PCCA: variants seen among roughly 807,000 people sequenced by gnomAD.
PCCA encodes propionyl-CoA carboxylase alpha chain, mitochondrial.
PCCA carries 74 observed loss-of-function variants against 101.3 expected under a neutral mutation model. The ratio of observed to expected loss-of-function variants is 0.73; its 90% CI spans 0.61 to 0.89. The LOEUF is 0.89. Ranked by LOEUF, PCCA falls within the 40% of genes least tolerant of loss-of-function variation. The pLI is 0.00. For synonymous variants in PCCA, 294 were observed against 313.6 expected (o/e 0.94, Z 0.66); for missense variants, 891 against 907.0 (o/e 0.98, Z 0.23).
intron 1 of PCCA, among the ~76,000 whole-genome samples, chr13:100,091,414 G>A (rs1234027020): frequency 1.3e-5 from 2 of 152,212 alleles, no homozygotes; most frequent in African/African-American, 4.8e-5. Flanking sequence ...CACAATAGGT[G>A]CTGAATGTGT....
intron 12 of PCCA, among the ~76,000 whole-genome samples, chr13:100,293,862 T>C (rs2152665550): frequency 6.6e-6 from 1 of 152,334 alleles, no homozygotes; most frequent in Admixed American, 6.5e-5. Flanking sequence ...GATAAGCTTT[T>C]CAGGCACTTA....
chr13:100,197,541 T>C (rs147640004), intron 6 of PCCA, among the ~76,000 whole-genome samples: 55 of 152,172 alleles, frequency 3.6e-4, no homozygotes, highest in African/African-American at 1.2e-3. Context: ...GTCTCCCAGG[T>C]TCAATAGATT....
chr13:100,201,466 A>G (rs2058486503), intron 6 of PCCA, among the ~76,000 whole-genome samples: 1 of 152,160 alleles, frequency 6.6e-6, no homozygotes. Context: ...AGTTTCATAT[A>G]ATTTTTATGT....
In PCCA at chr13:100,277,796, A is replaced by AGG. The variant is rs1243267695; in HGVS notation, c.1065+4451_1065+4452insGG. On this transcript the variant is annotated intron_variant, in intron 12 of 23. Coordinates refer to ENST00000376285, the MANE Select transcript of PCCA (RefSeq NM_000282.4). ...TACCCTAGAAGGAGTTTGGAGGGAA[A>AGG]GTTCAGTGCCAGCCCACCATTTTCA... Among the ~76,000 whole-genome samples the AGG allele has an allele frequency of 3.9e-5, 6 of 152,364 alleles. No homozygotes were observed. In the East Asian group the frequency reaches 1.2e-3, roughly 29 times the overall value.
rs576629947 is a variant in PCCA, at chr13:100,426,941, C to T, written c.1845+1210C>T. Among the ~76,000 whole-genome samples the T allele has an allele frequency of 2.6e-5, 4 of 152,276 alleles. No individual in the cohort carries two copies. The South Asian group carries it at 8.3e-4, about 32-fold the overall frequency. On this transcript the variant is annotated intron_variant, in intron 20 of 23. Coordinates refer to ENST00000376285, the MANE Select transcript of PCCA (RefSeq NM_000282.4). ...GTCTTTAAAAACTGTGGTGTCTGGG[C>T]ACGGTGGCTCACGCCTGTAATCCCA...
intron 21 of PCCA, among the ~76,000 whole-genome samples, chr13:100,454,092 C>T (rs548206870): frequency 2.0e-5 from 3 of 152,000 alleles, no homozygotes; most frequent in East Asian, 1.9e-4. Flanking sequence ...AGGATGGTCT[C>T]GATCTCCTGA....
intron 21 of PCCA, among the ~76,000 whole-genome samples, chr13:100,469,701 AAC>A (rs2082840028): frequency 6.6e-6 from 1 of 151,668 alleles, no homozygotes; most frequent in Admixed American, 6.6e-5. Context: ...AATCGCTTGA[AAC>A]CCGGAGGCTG....
rs1442819667 is a variant in PCCA at position 100,209,347 on chromosome 13, G to A, written c.484G>A (p.Val162Ile). The part of the protein sequence containing the change: ...FARCLAAEDV[V>I]FIGPDTHAIQ... ...TTCTCCACAGGCAGCAGAAGATGTC[G>A]TTTTCATTGGACCTGACACACATGC... Residue 162 changes from valine to isoleucine, a missense_variant, in exon 7 of 24, where the codon GTT becomes ATT. Val to Ile is a conservative substitution (Grantham distance 29). Coordinates refer to ENST00000376285, the MANE Select transcript of PCCA (RefSeq NM_000282.4). 5.0e-6 allele frequency: 8 copies of A among 1,613,496 alleles called. No homozygotes were observed. Among genetic ancestry groups the A allele is most frequent in the African/African-American group, 2.7e-5 (2 of 74,898 alleles).
Position 100,394,403 on chromosome 13 carries a change from CTGGTTCT to C in PCCA, c.1746+25834_1746+25840del, listed in dbSNP as rs1254763809. Among the ~76,000 whole-genome samples the C allele has an allele frequency of 6.6e-6, 1 of 151,974 alleles. No homozygotes were observed. Among genetic ancestry groups the C allele is most frequent in the Non-Finnish European group, 1.5e-5 (1 of 68,006 alleles). On this transcript the variant is annotated intron_variant, in intron 19 of 23. Transcript: ENST00000376285. The surrounding 1 kb of genome is among the most constrained non-coding windows in gnomAD (Gnocchi z 4.3). ...CAGCGAGGTTCCTTTTGCATCAGCG[CTGGTTCT>C]TGGTGGCAGTCAGAGGTCTGTGGAA...
intron 4 of PCCA, among the ~76,000 whole-genome samples, chr13:100,148,210 C>T (rs2052820653): frequency 6.6e-6 from 1 of 152,128 alleles, no homozygotes; most frequent in Non-Finnish European, 1.5e-5. Context: ...TTGGGTCTGC[C>T]ACTGCTTGTC....
intron 6 of PCCA, among the ~76,000 whole-genome samples, chr13:100,181,867 C>T (rs568098639): frequency 1.1e-4 from 16 of 147,586 alleles, no homozygotes; most frequent in East Asian, 4.0e-4. Context: ...TGTGTTCAAG[C>T]GATTCTCCTG....
chr13:100,161,723 A>C (rs1272755854), intron 6 of PCCA: 1 of 152,092 alleles, frequency 6.6e-6, no homozygotes, highest in Non-Finnish European at 1.5e-5. Context: ...AGGGTTGTTT[A>C]TAACTCTTAT....
At chr13:100,530,069 C>T in intron 23 of PCCA, 29 bp from the exon 24 acceptor site, 1 of 1,580,854 alleles carries the variant, frequency 6.3e-7, no homozygotes, top group Non-Finnish European at 8.7e-7. Context: ...TCTTACTCTC[C>T]CCTCCCCCTG....
chr13:100,195,624 A>C (rs992792506), intron 6 of PCCA, among the ~76,000 whole-genome samples: 1 of 152,140 alleles, frequency 6.6e-6, no homozygotes, highest in South Asian at 2.1e-4. Context: ...TGTCAGTGCA[A>C]CCAGTCTAAG....
chr13:100,309,996 C>A, intron 16 of PCCA, 88 bp downstream of exon 16: 1 of 933,104 alleles, frequency 1.1e-6, no homozygotes, highest in Non-Finnish European at 1.8e-6. Context: ...GAGAATATGG[C>A]ACAGCACATT....
chr13:100,353,786 C>A (rs751577304), intron 18 of PCCA, among the ~76,000 whole-genome samples: 4 of 152,004 alleles, frequency 2.6e-5, no homozygotes, highest in Middle Eastern at 3.2e-3. Context: ...AACCCTATCT[C>A]TATAAAAAAT....
chr13:100,388,206 C>T (rs879553919), intron 19 of PCCA, among the ~76,000 whole-genome samples: 4 of 152,204 alleles, frequency 2.6e-5, no homozygotes, highest in East Asian at 1.9e-4. Context: ...CAGTGGCTCA[C>T]GCCTATAAGC....
intron 12 of PCCA, among the ~76,000 whole-genome samples, chr13:100,284,205 G>T (rs1228951627): frequency 6.6e-6 from 1 of 152,212 alleles, no homozygotes; most frequent in African/African-American, 2.4e-5. Context: ...GTAATTGGAA[G>T]ACTTTGCTCT....
intron 20 of PCCA, among the ~76,000 whole-genome samples, chr13:100,434,579 T>A (rs969853485): frequency 1.3e-5 from 2 of 152,180 alleles, no homozygotes; most frequent in Non-Finnish European, 2.9e-5. Context: ...ACTTCTCACC[T>A]GCAGAACACT....
Sources: allele counts gnomAD v4.1 joint callset (sites outside exome capture counted in the v4.1 genomes callset), GRCh38; gene constraint gnomAD v4.1.1; non-coding constraint Gnocchi (gnomAD v3.1); transcripts MANE v1.5; gene names NCBI Gene and HGNC (gene_info 2026-07-23, HGNC 2026-07-21).